Variants in PARD3 observed in about 807,000 individuals in gnomAD.
PARD3 encodes partitioning defective 3 homolog.
A neutral mutation model predicts 155.4 loss-of-function variants in PARD3; 75 were observed. The observed-to-expected ratio is 0.48, with a 90% CI of 0.40 to 0.58. The LOEUF (loss-of-function observed/expected upper bound fraction) is 0.58. Ranked by LOEUF, PARD3 falls within the 20% of genes least tolerant of loss-of-function variation. The pLI is 0.00. For missense variants in PARD3, 1,642 were observed against 1,721.7 expected (o/e 0.95, Z 0.82); for synonymous variants, 576 against 610.5 (o/e 0.94, Z 0.83).
At chr10:34,573,774 CACACACACACAG>C (rs1380772643) in intron 2 of PARD3, among the ~76,000 whole-genome samples, 201 of 141,824 alleles carry the variant, frequency 1.4e-3, no homozygotes, top group African/African-American at 5.3e-3. Flanking sequence ...CACACACACA[CACACACACACAG>C]AGAATCAGCC....
chr10:34,475,822 C>T (rs2078669306), intron 3 of PARD3, among the ~76,000 whole-genome samples: 2 of 152,128 alleles, frequency 1.3e-5, no homozygotes, highest in South Asian at 2.1e-4. Flanking sequence ...CAAATATTGC[C>T]CATTTTTTGC....
At chr10:34,260,601 T>C (rs1009940498) in intron 22 of PARD3, among the ~76,000 whole-genome samples, 3 of 152,136 alleles carry the variant, frequency 2.0e-5, no homozygotes, top group African/African-American at 7.2e-5. Context: ...CCAGAGATAT[T>C]AGTAGACAGC....
intron 22 of PARD3, among the ~76,000 whole-genome samples, chr10:34,136,768 A>G (rs889945341): frequency 6.6e-6 from 1 of 152,176 alleles, no homozygotes; most frequent in Admixed American, 6.5e-5. Flanking sequence ...TAAGACATCA[A>G]TCCACTTCCT....
At chr10:34,286,963 G>A (rs970156291) in intron 20 of PARD3, among the ~76,000 whole-genome samples, 1 of 152,062 alleles carries the variant, frequency 6.6e-6, no homozygotes, top group Non-Finnish European at 1.5e-5. Flanking sequence ...GAGAGTCACT[G>A]ATGATTCCAG....
intron 22 of PARD3, among the ~76,000 whole-genome samples, chr10:34,177,508 A>C (rs1564457554): frequency 6.6e-6 from 1 of 152,212 alleles, no homozygotes; most frequent in East Asian, 1.9e-4. Context: ...ACCTTAGACA[A>C]AGTAATTAAG....
chr10:34,717,904 A>G (rs921638186), intron 1 of PARD3, among the ~76,000 whole-genome samples: 4 of 152,228 alleles, frequency 2.6e-5, no homozygotes, highest in African/African-American at 9.6e-5. Flanking sequence ...CTGTAATCCC[A>G]GCACTCTGGG....
chr10:34,272,751 A>G (rs1349795578), intron 21 of PARD3, among the ~76,000 whole-genome samples: 1 of 152,142 alleles, frequency 6.6e-6, no homozygotes, highest in Non-Finnish European at 1.5e-5. Context: ...CAAACAAACA[A>G]AAAAACAAAC....
At chr10:34,389,239 TAA>T (rs57615675) in intron 7 of PARD3, among the ~76,000 whole-genome samples, 9 of 65,846 alleles carry the variant, frequency 1.4e-4, no homozygotes, top group Non-Finnish European at 1.8e-4. Context: ...CAATGTTTCT[TAA>T]AAAAAAAAAA....
At chr10:34,365,397 C>T (rs1839861303) in intron 12 of PARD3, among the ~76,000 whole-genome samples, 1 of 152,188 alleles carries the variant, frequency 6.6e-6, no homozygotes, top group African/African-American at 2.4e-5. Context: ...ACTTCCAGTA[C>T]ACCCATCAAA....
At chr10:34,317,502 G>A (rs111438670) in intron 19 of PARD3, among the ~76,000 whole-genome samples, 164 bp from the exon 20 acceptor site, 1 of 152,192 alleles carries the variant, frequency 6.6e-6, no homozygotes, top group African/African-American at 2.4e-5. Flanking sequence ...GAATTAAAAT[G>A]GAACATGTGA....
At chr10:34,795,247 T>C (rs1025255111) in intron 1 of PARD3, among the ~76,000 whole-genome samples, 3 of 152,184 alleles carry the variant, frequency 2.0e-5, no homozygotes, top group African/African-American at 4.8e-5. Context: ...TGGGATTGAT[T>C]GTGGCTTTGG....
intron 1 of PARD3, among the ~76,000 whole-genome samples, chr10:34,783,786 G>C (rs933161116): frequency 1.3e-5 from 2 of 152,116 alleles, no homozygotes; most frequent in Non-Finnish European, 2.9e-5. Flanking sequence ...TATTGGCTTA[G>C]TACGTTGCCA....
At chr10:34,155,231 G>A (rs897612788) in intron 22 of PARD3, among the ~76,000 whole-genome samples, 13 of 152,158 alleles carry the variant, frequency 8.5e-5, no homozygotes, top group Non-Finnish European at 1.5e-4. Flanking sequence ...CTGGACTGGG[G>A]ACTGATTATT....
intron 1 of PARD3, among the ~76,000 whole-genome samples, chr10:34,736,825 C>T (rs1051030696): frequency 7.9e-5 from 12 of 151,802 alleles, no homozygotes; most frequent in African/African-American, 2.4e-4. Context: ...TACAGGCATG[C>T]GCCACCATGC....
intron 1 of PARD3, among the ~76,000 whole-genome samples, chr10:34,800,716 G>A (rs1842768114): frequency 6.6e-6 from 1 of 151,886 alleles, no homozygotes; most frequent in Non-Finnish European, 1.5e-5. Context: ...CAGTAAGTTA[G>A]GAATGAAAAA....
At chr10:34,542,727 T>C (rs927269863) in intron 2 of PARD3, among the ~76,000 whole-genome samples, 3 of 152,164 alleles carry the variant, frequency 2.0e-5, no homozygotes, top group African/African-American at 4.8e-5. Flanking sequence ...TAAAATATCA[T>C]AGGTGCTCAT....
At chr10:34,681,761 TA>T in intron 2 of PARD3, among the ~76,000 whole-genome samples, 2 of 22,380 alleles carry the variant, frequency 8.9e-5, no homozygotes, top group African/African-American at 4.9e-4. Flanking sequence ...TATATATATA[TA>T]TATATATTTT....
At chr10:34,719,376 CT>C (rs1244908618) in intron 1 of PARD3, among the ~76,000 whole-genome samples, 2 of 152,154 alleles carry the variant, frequency 1.3e-5, no homozygotes, top group Non-Finnish European at 2.9e-5. Flanking sequence ...ATTTCATTTT[CT>C]TATATCCTCC....
chr10:34,415,331 C>A (rs567187792), intron 5 of PARD3, among the ~76,000 whole-genome samples: 1 of 151,950 alleles, frequency 6.6e-6, no homozygotes, highest in South Asian at 2.1e-4. Flanking sequence ...GAGAAGTCAG[C>A]CAAGTGAATG....
Sources: gnomAD v4.1 joint callset for allele counts (sites outside exome capture counted in the v4.1 genomes callset) on GRCh38, gnomAD v4.1.1 for gene constraint, MANE v1.5 for transcripts, NCBI Gene and HGNC (gene_info 2026-07-23, HGNC 2026-07-21) for gene names.